BCORL1: variants seen among roughly 807,000 people sequenced by gnomAD.
BCORL1 encodes the protein BCL6 corepressor like 1.
In BCORL1, 7 loss-of-function variants were observed where a neutral mutation model predicts 87.6. That is an observed-to-expected ratio of 0.08 (90% confidence interval 0.05 to 0.15). BCORL1 has a LOEUF of 0.15. BCORL1 is among the 10% of genes least tolerant of loss of function. The pLI is 1.00. For synonymous variants in BCORL1, 591 were observed against 634.4 expected (o/e 0.93, Z 1.03); for missense variants, 1,215 against 1,499.7 (o/e 0.81, Z 3.13).
At chrX:130,046,736 T>C (rs1931777976) in intron 11 of BCORL1, among the ~76,000 whole-genome samples, 1 of 110,710 alleles carries the variant, frequency 9.0e-6, no homozygotes, top group Non-Finnish European at 1.9e-5. Context: ...TTAGTAGAGA[T>C]GAGGTTTCAC....
At chrX:130,052,103 C>G (rs947676029) in intron 13 of BCORL1, 87 bp downstream of exon 13, 36 of 960,388 alleles carry the variant, frequency 3.7e-5, no homozygotes, top group Non-Finnish European at 4.9e-5. Context: ...GAAGTGAAGA[C>G]CTGGCAACGA....
At chrX:129,995,087 C>T (rs1180596140) in intron 1 of BCORL1, among the ~76,000 whole-genome samples, 1 of 110,974 alleles carries the variant, frequency 9.0e-6, no homozygotes, top group Non-Finnish European at 1.9e-5. Flanking sequence ...CTCACTGCAA[C>T]TTCTGCCTCC....
upstream of BCORL1, among the ~76,000 whole-genome samples, chrX:129,980,478 C>A (rs1926023458): frequency 8.9e-6 from 1 of 111,869 alleles, no homozygotes; most frequent in Middle Eastern, 4.3e-3. Flanking sequence ...TTGCTTCCCG[C>A]GGCCCCCACC....
chrX:129,988,647 A>G (rs1158651383), intron 1 of BCORL1, among the ~76,000 whole-genome samples: 2 of 111,733 alleles, frequency 1.8e-5, no homozygotes, highest in East Asian at 5.5e-4. Flanking sequence ...AGAAAACCTT[A>G]AGCTGAAGGT....
At chrX:130,002,348 G>A (rs149467964) in intron 1 of BCORL1, among the ~76,000 whole-genome samples, 226 of 109,325 alleles carry the variant, frequency 2.1e-3, no homozygotes, top group East Asian at 0.02. Context: ...GTGCATCAAG[G>A]GGCGAGCTGA....
chrX:130,003,571 A>G (rs2124396604), intron 1 of BCORL1, among the ~76,000 whole-genome samples: 1 of 110,363 alleles, frequency 9.1e-6, no homozygotes, highest in East Asian at 2.8e-4. Flanking sequence ...GGGTTTCTCC[A>G]TGTTGGTCAG....
Position 130,014,327 on chromosome X carries a change from G to T in BCORL1, c.1555G>T (p.Val519Leu). The change falls in exon 4 of 14, where the codon GTA (valine) becomes TTA (leucine). Residue 519 changes from valine to leucine, a missense_variant. Val to Leu is a conservative substitution (Grantham distance 32). Around this residue, in one of 5 missense-constraint regions of BCORL1, gnomAD observed 861 missense variants for 1,010.0 expected, o/e 0.85. Coordinates refer to ENST00000540052, the MANE Select transcript of BCORL1 (RefSeq NM_001379451.1). ...ARPLTSDSKL[V>L]SLEVNRLPCT... is the part of the protein sequence containing the mutation. ...GCCTCTGACTTCGGATTCCAAGCTG[G>T]TATCTCTGGAGGTGAACAGGCTCCC... The T allele has an allele frequency of 1.7e-6, 2 of 1,211,545 alleles. No individual in the cohort carries two copies. Among genetic ancestry groups the T allele is most frequent in the Non-Finnish European group, 2.2e-6 (2 of 895,413 alleles).
chrX:130,001,308 C>T (rs1928030288), intron 1 of BCORL1, among the ~76,000 whole-genome samples: 1 of 111,984 alleles, frequency 8.9e-6, no homozygotes, highest in Non-Finnish European at 1.9e-5. Context: ...ATGCTGATCT[C>T]AAACTCCTGA....
Position 130,013,692 on chromosome X carries a change from T to C in BCORL1, c.920T>C (p.Val307Ala). ...LSAPAPAPLS[V>A]PVSAPPLALI... is the part of the protein sequence containing the mutation. ...GCTCCAGCTCCTGCCCCGCTTTCAGTCCCAGTTTCAGCTCCTCCCTTGGCT... is the reference window on the plus strand; with the variant it reads ...GCTCCAGCTCCTGCCCCGCTTTCAGCCCCAGTTTCAGCTCCTCCCTTGGCT... Residue 307 changes from valine to alanine, a missense_variant, in exon 4 of 14, where the codon GTC becomes GCC. Coordinates refer to ENST00000540052, the MANE Select transcript of BCORL1 (RefSeq NM_001379451.1). 8.3e-7 allele frequency: 1 copy of C among 1,210,563 alleles called. No homozygotes were observed. The highest frequency in any genetic ancestry group is 1.7e-5 in the African/African-American group (1 of 57,691).
intron 2 of BCORL1, 77 bp downstream of exon 2, chrX:130,005,394 A>G (rs968543660): frequency 1.5e-5 from 14 of 950,185 alleles, no homozygotes; most frequent in South Asian, 6.2e-5. Flanking sequence ...GCTGCATACA[A>G]TAGGGCCTGG....
chrX:130,000,239 T>A (rs761630375), intron 1 of BCORL1, among the ~76,000 whole-genome samples: 1 of 110,855 alleles, frequency 9.0e-6, no homozygotes, highest in Admixed American at 9.7e-5. Context: ...GGTTTCGCCA[T>A]GTTGCCCAGG....
intron 8 of BCORL1, among the ~76,000 whole-genome samples, chrX:130,032,686 C>G (rs1311355085): frequency 1.8e-5 from 2 of 111,389 alleles, no homozygotes; most frequent in Non-Finnish European, 1.9e-5. Context: ...CAGTGCCCCC[C>G]AAAGCTTCAT....
chrX:130,056,483 G>A lies in BCORL1; in HGVS notation c.*347G>A. 1 of 182,674 alleles carries A rather than the reference G, an allele frequency of 5.5e-6. No homozygotes were observed. The highest frequency in any genetic ancestry group is 1.0e-5 in the Non-Finnish European group (1 of 98,166). 15.1% of individuals were successfully genotyped at this position (182,674 alleles called of 1,213,427 possible). ...CAAGACCAAACCTGGGCCCTGGATG[G>A]CCTTGGCCTGTCCCGAGGAGAAATG... On this transcript the variant is annotated 3_prime_UTR_variant, in exon 14 of 14. Transcript: ENST00000540052.
Position 130,014,014 on chromosome X carries a change from C to G in BCORL1, c.1242C>G (p.Ser414=). Residue 414 remains serine, a synonymous_variant, in exon 4 of 14, where the codon TCC becomes TCG. Transcript: ENST00000540052. ...AIPTSAPIPA[S]FSLSRVCFPA... ...CCACCTCTGCACCCATCCCGGCCTC[C>G]TTCAGTTTGAGTAGAGTGTGCTTTC... The G allele has an allele frequency of 8.3e-7, 1 of 1,211,008 alleles. No individual in the cohort carries two copies. Among genetic ancestry groups the G allele is most frequent in the Non-Finnish European group, 1.1e-6 (1 of 895,097 alleles).
chrX:130,042,285 G>A lies in BCORL1; in HGVS notation c.4840+3003G>A, dbSNP rs769147262. 1.7e-3 allele frequency among the ~76,000 whole-genome samples: 192 copies of A among 110,679 alleles called. 2 individuals carry two copies. The highest frequency in any genetic ancestry group is 5.8e-3 in the African/African-American group (178 of 30,433). ...GTATTTTATCTTTTTGTTGAGATAC[G>A]GGGTTTGCTATGTTGCCCAGGCTGG... On this transcript the variant is annotated intron_variant, in intron 11 of 13. Transcript: ENST00000540052.
chrX:130,015,084 G>A lies in BCORL1; in HGVS notation c.2312G>A (p.Ser771Asn). The A allele has an allele frequency of 8.2e-7, 1 of 1,212,365 alleles. No homozygotes were observed. Among genetic ancestry groups the A allele is most frequent in the Non-Finnish European group, 1.1e-6 (1 of 895,613 alleles). ...GGTGCCACGTGTGGCAAAAAGGGCA[G>A]CCAGGCTGGTGCTGAGGGACAGCCA... The part of the protein sequence containing the change: ...GTGATCGKKG[S>N]QAGAEGQPST... Residue 771 changes from serine to asparagine, a missense_variant, in exon 4 of 14, where the codon AGC becomes AAC. Around this residue, in one of 5 missense-constraint regions of BCORL1, gnomAD observed 861 missense variants for 1,010.0 expected, o/e 0.85. Transcript: ENST00000540052.
At chrX:130,000,427 T>A (rs1927955112) in intron 1 of BCORL1, among the ~76,000 whole-genome samples, 2 of 112,459 alleles carry the variant, frequency 1.8e-5, no homozygotes, top group Admixed American at 1.9e-4. Context: ...ACGGGGTCCT[T>A]GTTAAAAATA....
At chrX:130,011,002 TAAAAAAAAAAAAAA>T (rs1186630415) in intron 2 of BCORL1, among the ~76,000 whole-genome samples, 39 of 19,095 alleles carry the variant, frequency 2.0e-3, no homozygotes, top group African/African-American at 5.9e-3. Context: ...AGATTCAATC[TAAAAAAAAAAAAAA>T]AAAAAAAAAA....
At chrX:130,024,847 T>C in intron 6 of BCORL1, 143 bp from the exon 7 acceptor site, 1 of 899,935 alleles carries the variant, frequency 1.1e-6, no homozygotes, top group Non-Finnish European at 1.5e-6. Flanking sequence ...CTGAAGGAAC[T>C]TTCCCGAACG....
Sources: gnomAD v4.1 joint callset for allele counts (sites outside exome capture counted in the v4.1 genomes callset) on GRCh38, gnomAD v4.1.1 for gene constraint, gnomAD v4.1.1 regional missense constraint, MANE v1.5 for transcripts, NCBI Gene and HGNC (gene_info 2026-07-23, HGNC 2026-07-21) for gene names.